Variants in SEMA5A observed in about 807,000 individuals in gnomAD.
The protein encoded by SEMA5A is semaphorin-5A.
A neutral mutation model predicts 135.5 loss-of-function variants in SEMA5A; 55 were observed. The observed-to-expected ratio is 0.41, with a 90% confidence interval of 0.33 to 0.51. SEMA5A has a LOEUF of 0.51. Ranked by LOEUF, SEMA5A falls within the 20% of genes least tolerant of loss-of-function variation. SEMA5A has a pLI of 0.37. For missense variants in SEMA5A, 1,290 were observed against 1,419.9 expected (o/e 0.91, Z 1.47); for synonymous variants, 580 against 546.5 (o/e 1.06, Z -0.85).
At chr5:9,394,124 T>C (rs754115918) in intron 2 of SEMA5A, among the ~76,000 whole-genome samples, 1 of 152,120 alleles carries the variant, frequency 6.6e-6, no homozygotes, top group Non-Finnish European at 1.5e-5. Context: ...CTACTGTGAA[T>C]ATGAATAAGT....
intron 1 of SEMA5A, among the ~76,000 whole-genome samples, chr5:9,509,572 G>GC (rs1736095136): frequency 6.6e-6 from 1 of 152,054 alleles, no homozygotes; most frequent in Admixed American, 6.5e-5. Context: ...ACCATGCCCG[G>GC]CCCCAACATA....
In SEMA5A at chr5:9,166,163, G is replaced by C. The variant is rs538706386; in HGVS notation, c.1274-11468C>G. Among the ~76,000 whole-genome samples the C allele has an allele frequency of 2.0e-5, 3 of 152,182 alleles. No individual in the cohort carries two copies. In the East Asian group the frequency reaches 5.8e-4, roughly 29 times the overall value. ...ATTTTAAACCATATTCTCATAGCCTGACCCTCTGCATGTAAGTTCTGGAGA... is the reference window on the plus strand; with the variant it reads ...ATTTTAAACCATATTCTCATAGCCTCACCCTCTGCATGTAAGTTCTGGAGA... On this transcript the variant is annotated intron_variant, in intron 11 of 22. Coordinates refer to ENST00000382496, the MANE Select transcript of SEMA5A (RefSeq NM_003966.3).
chr5:9,196,815 T>C (rs1394914220), intron 10 of SEMA5A, among the ~76,000 whole-genome samples: 4 of 152,196 alleles, frequency 2.6e-5, no homozygotes, highest in African/African-American at 9.6e-5. Flanking sequence ...TGGACCCCAT[T>C]CATTAGAATG....
intron 16 of SEMA5A, among the ~76,000 whole-genome samples, chr5:9,070,126 T>C (rs923305743): frequency 6.6e-6 from 1 of 152,132 alleles, no homozygotes; most frequent in Non-Finnish European, 1.5e-5. Flanking sequence ...ATCCCAGCAC[T>C]TTGGGAAGCC....
At chr5:9,306,841 G>A (rs886115733) in intron 5 of SEMA5A, among the ~76,000 whole-genome samples, 3 of 152,174 alleles carry the variant, frequency 2.0e-5, no homozygotes, top group Non-Finnish European at 4.4e-5. Flanking sequence ...ACAGTACATA[G>A]GTTCCCTTCA....
intron 6 of SEMA5A, among the ~76,000 whole-genome samples, chr5:9,230,811 A>C (rs113928473): frequency 2.0e-4 from 30 of 152,268 alleles, no homozygotes; most frequent in African/African-American, 7.2e-4. Context: ...AGTTATCACC[A>C]ATAACAGTAG....
At chr5:9,126,041 T>C (rs1741092565) in intron 13 of SEMA5A, among the ~76,000 whole-genome samples, 1 of 152,198 alleles carries the variant, frequency 6.6e-6, no homozygotes, top group Admixed American at 6.5e-5. Flanking sequence ...GTCAAAAGCA[T>C]GTCTCTTGTT....
intron 5 of SEMA5A, among the ~76,000 whole-genome samples, chr5:9,251,583 G>A (rs1477537443): frequency 3.3e-5 from 5 of 152,178 alleles, no homozygotes; most frequent in Admixed American, 2.6e-4. Context: ...TCAGCACTAT[G>A]AGATTAACCA....
At chr5:9,166,392 C>T (rs1743610703) in intron 11 of SEMA5A, among the ~76,000 whole-genome samples, 1 of 152,150 alleles carries the variant, frequency 6.6e-6, no homozygotes, top group Non-Finnish European at 1.5e-5. Flanking sequence ...TTGCCTTCTC[C>T]CCAGTGCCCA....
At chr5:9,197,785 T>TG (rs1561011433) in intron 9 of SEMA5A, among the ~76,000 whole-genome samples, 3 of 117,866 alleles carry the variant, frequency 2.5e-5, no homozygotes, top group East Asian at 3.8e-4. Flanking sequence ...TGTGTGTGTG[T>TG]TTTAACCCAG....
At chr5:9,221,364 G>A (rs557697395) in intron 8 of SEMA5A, among the ~76,000 whole-genome samples, 187 of 144,186 alleles carry the variant, frequency 1.3e-3, no homozygotes, top group African/African-American at 4.4e-3. Flanking sequence ...GTGCAGTGGC[G>A]CGATCTCGGC....
intron 2 of SEMA5A, among the ~76,000 whole-genome samples, chr5:9,386,277 C>A (rs1755884404): frequency 6.6e-6 from 1 of 152,206 alleles, no homozygotes; most frequent in East Asian, 1.9e-4. Flanking sequence ...CCTACACACC[C>A]TGACAGAGCC....
intron 5 of SEMA5A, among the ~76,000 whole-genome samples, chr5:9,243,451 A>G (rs955558823): frequency 6.6e-6 from 1 of 152,118 alleles, no homozygotes; most frequent in Non-Finnish European, 1.5e-5. Context: ...CTTTTTTCAA[A>G]TAAGGTCATA....
At chr5:9,426,494 G>A (rs1226580349) in intron 2 of SEMA5A, among the ~76,000 whole-genome samples, 1 of 76,190 alleles carries the variant, frequency 1.3e-5, no homozygotes, top group Admixed American at 1.2e-4. Flanking sequence ...TATTGTCATT[G>A]CTACATTACA....
chr5:9,048,542 ACT>A (rs148197246), intron 21 of SEMA5A, among the ~76,000 whole-genome samples: 2,886 of 152,246 alleles, frequency 0.019, 91 homozygotes, highest in African/African-American at 0.066. Flanking sequence ...TCACAGCAGC[ACT>A]GTTAAGGAGA....
At chr5:9,119,246 T>G in intron 14 of SEMA5A, 105 bp from the exon 15 acceptor site, 1 of 1,388,526 alleles carries the variant, frequency 7.2e-7, no homozygotes, top group Non-Finnish European at 9.9e-7. Flanking sequence ...GGATCACGCT[T>G]GGGGCTGCTC....
At chr5:9,208,003 A>G (rs754654766) in intron 8 of SEMA5A, among the ~76,000 whole-genome samples, 9 of 152,166 alleles carry the variant, frequency 5.9e-5, no homozygotes, top group Non-Finnish European at 1.3e-4. Flanking sequence ...ATATGTATAC[A>G]TGGCTCAATA....
intron 11 of SEMA5A, among the ~76,000 whole-genome samples, chr5:9,183,050 T>C (rs994306247): frequency 5.3e-5 from 8 of 152,176 alleles, no homozygotes; most frequent in Non-Finnish European, 1.2e-4. Context: ...GATCTCTTAC[T>C]GTGGTTGCCT....
intron 6 of SEMA5A, among the ~76,000 whole-genome samples, chr5:9,228,244 C>A (rs1747427482): frequency 6.6e-6 from 1 of 152,172 alleles, no homozygotes; most frequent in Admixed American, 6.6e-5. Context: ...TGTAGAGAGG[C>A]TTCCTGAAGG....
Sources: allele counts gnomAD v4.1 joint callset (sites outside exome capture counted in the v4.1 genomes callset), GRCh38; gene constraint gnomAD v4.1.1; transcripts MANE v1.5; gene names NCBI Gene and HGNC (gene_info 2026-07-23, HGNC 2026-07-21).